The following MSRA variants were observed in gnomAD, a reference collection of about 807,000 sequenced individuals.
The protein encoded by MSRA is mitochondrial peptide methionine sulfoxide reductase.
A neutral mutation model predicts 31.3 loss-of-function variants in MSRA; 54 were observed. The observed-to-expected ratio is 1.73, with a 90% CI of 1.39 to 2.17. The LOEUF (loss-of-function observed/expected upper bound fraction) is 2.17. Among genes scored for constraint, MSRA ranks in the 30% most tolerant of loss-of-function variants. The probability of loss-of-function intolerance (pLI) is 0.00; values close to 1 mark genes in which losing one functional copy is unlikely to be tolerated. For synonymous variants in MSRA, 169 were observed against 116.5 expected (o/e 1.45, Z -2.90); for missense variants, 507 against 300.9 (o/e 1.69, Z -5.07).
At chr8:10,058,908 T>C (rs1802548426) in intron 1 of MSRA, 1 of 152,224 alleles carries the variant, frequency 6.6e-6, no homozygotes, top group Non-Finnish European at 1.5e-5. Flanking sequence ...ACCTTTAAAC[T>C]TCTTAATGTT....
At chr8:10,216,866 G>A (rs937064624) in intron 2 of MSRA, among the ~76,000 whole-genome samples, 1 of 152,188 alleles carries the variant, frequency 6.6e-6, no homozygotes, top group African/African-American at 2.4e-5. Flanking sequence ...CGATGAACCT[G>A]AGTGTACAGA....
chr8:10,141,333 A>T (rs1802687049), intron 1 of MSRA, among the ~76,000 whole-genome samples: 1 of 152,168 alleles, frequency 6.6e-6, no homozygotes, highest in Admixed American at 6.5e-5. Context: ...GACCTAGAAA[A>T]GTTTCCATGA....
intron 5 of MSRA, among the ~76,000 whole-genome samples, chr8:10,365,637 C>T (rs1253291111): frequency 6.6e-6 from 1 of 152,208 alleles, no homozygotes; most frequent in African/African-American, 2.4e-5. Flanking sequence ...TACTTATAGA[C>T]TGAGAACATT....
chr8:10,073,863 C>T (rs1377200967), intron 1 of MSRA, among the ~76,000 whole-genome samples: 1 of 151,902 alleles, frequency 6.6e-6, no homozygotes, highest in Non-Finnish European at 1.5e-5. Context: ...CATTTCACTT[C>T]TTCTTGACCT....
chr8:10,153,239 G>A (rs1196439869), intron 1 of MSRA, among the ~76,000 whole-genome samples: 3 of 152,158 alleles, frequency 2.0e-5, no homozygotes, highest in African/African-American at 7.2e-5. Context: ...AGTTGGCCTG[G>A]CTGGACCGTT....
In MSRA at chr8:10,162,719, C is replaced by G. The variant is rs553993390; in HGVS notation, c.143-45114C>G. ...GGGAAACCTGTAGCTCTGTGCCTTA[C>G]TATACCATCTCATTTAGTGCTTATG... On this transcript the variant is annotated intron_variant, in intron 1 of 5. Transcript: ENST00000317173. 4.6e-5 allele frequency among the ~76,000 whole-genome samples: 7 copies of G among 152,210 alleles called. No homozygotes were observed. The South Asian group carries it at 1.2e-3, about 27-fold the overall frequency.
At chr8:10,132,005 G>C (rs1382009335) in intron 1 of MSRA, among the ~76,000 whole-genome samples, 1 of 152,062 alleles carries the variant, frequency 6.6e-6, no homozygotes, top group Non-Finnish European at 1.5e-5. Flanking sequence ...TTGAGTTTTT[G>C]GTCTCCTAAT....
intron 3 of MSRA, among the ~76,000 whole-genome samples, chr8:10,267,491 T>C (rs750999860): frequency 6.6e-6 from 1 of 152,116 alleles, no homozygotes; most frequent in African/African-American, 2.4e-5. Flanking sequence ...CACCACTGCA[T>C]TGACTGTGGT....
At chr8:10,094,012 G>A (rs373445679) in intron 1 of MSRA, among the ~76,000 whole-genome samples, 1 of 152,128 alleles carries the variant, frequency 6.6e-6, no homozygotes, top group African/African-American at 2.4e-5. Context: ...GTGATGAGTC[G>A]CTTCTCCAAT....
intron 5 of MSRA, among the ~76,000 whole-genome samples, chr8:10,394,068 G>A (rs112243879): frequency 4.1e-4 from 62 of 152,314 alleles, no homozygotes; most frequent in African/African-American, 1.4e-3. Flanking sequence ...TCTAGAGAGC[G>A]ACAGGAACTA....
At chr8:10,090,171 T>G (rs1445301424) in intron 1 of MSRA, among the ~76,000 whole-genome samples, 1 of 152,114 alleles carries the variant, frequency 6.6e-6, no homozygotes, top group Admixed American at 6.5e-5. Context: ...CTGTTAAAAT[T>G]TTGAATTCCC....
chr8:10,306,793 A>G (rs2129128881), intron 4 of MSRA, among the ~76,000 whole-genome samples: 1 of 152,288 alleles, frequency 6.6e-6, no homozygotes, highest in African/African-American at 2.4e-5. Context: ...AGCCACAGGT[A>G]CACCAGGCAG....
intron 5 of MSRA, among the ~76,000 whole-genome samples, chr8:10,380,887 A>T (rs1010691967): frequency 2.1e-5 from 3 of 144,674 alleles, no homozygotes; most frequent in African/African-American, 7.6e-5. Flanking sequence ...GGGTGGGTAG[A>T]TGGATGGATG....
intron 3 of MSRA, among the ~76,000 whole-genome samples, chr8:10,282,072 G>A (rs1799652715): frequency 6.6e-6 from 1 of 152,178 alleles, no homozygotes; most frequent in Non-Finnish European, 1.5e-5. Context: ...GTGTGTGGAT[G>A]GCAGAGATGC....
Position 10,144,265 on chromosome 8 carries a change from A to C in MSRA, c.143-63568A>C, listed in dbSNP as rs550112074. Among the ~76,000 whole-genome samples, 16 of 152,278 alleles carry C rather than the reference A, an allele frequency of 1.1e-4. No homozygotes were observed. In the South Asian group the frequency reaches 3.3e-3, roughly 32 times the overall value. ...CTTTGTTTAGGAGCGAGAACTGTTA[A>C]GCCATGCTTGTTAATAGCCTCTGGA... On this transcript the variant is annotated intron_variant, in intron 1 of 5. Transcript: ENST00000317173.
intron 1 of MSRA, among the ~76,000 whole-genome samples, chr8:10,131,000 G>C (rs1424448581): frequency 6.6e-6 from 1 of 152,156 alleles, no homozygotes; most frequent in East Asian, 1.9e-4. Context: ...AGATGTTAAT[G>C]GTCTGTGGAG....
intron 1 of MSRA, among the ~76,000 whole-genome samples, chr8:10,185,542 G>A (rs888188923): frequency 6.6e-6 from 1 of 152,156 alleles, no homozygotes; most frequent in Non-Finnish European, 1.5e-5. Flanking sequence ...CTGGTGGGCC[G>A]AGGAATGCTC....
Position 10,319,946 on chromosome 8 carries a change from A to G in MSRA, c.500A>G (p.Lys167Arg), listed in dbSNP as rs773895324. 3 of 1,602,370 alleles carry G rather than the reference A, an allele frequency of 1.9e-6. No individual in the cohort carries two copies. In the South Asian group the frequency reaches 3.4e-5, roughly 18 times the overall value. Reference sequence around the variant, plus strand: ...TCGGCCATCTACCCGACCTCTGCCAAGCAAATGGAGGCAGCCCTGAGCTCC... The same window carrying G: ...TCGGCCATCTACCCGACCTCTGCCAGGCAAATGGAGGCAGCCCTGAGCTCC... ...YRSAIYPTSA[K>R]QMEAALSSKE... Residue 167 changes from lysine (K) to arginine (R), a missense_variant, in exon 5 of 6, where the codon AAG (lysine) becomes AGG (arginine). By Grantham distance (26) the Lys-to-Arg change is conservative. Coordinates refer to ENST00000317173, the MANE Select transcript of MSRA (RefSeq NM_012331.5).
chr8:10,286,235 G>A (rs534246011), intron 3 of MSRA, among the ~76,000 whole-genome samples: 37 of 152,198 alleles, frequency 2.4e-4, no homozygotes, highest in Admixed American at 1.2e-3. Flanking sequence ...ACATTGATAT[G>A]GTTTGACTGT....
Sources: allele counts gnomAD v4.1 joint callset (sites outside exome capture counted in the v4.1 genomes callset), GRCh38; gene constraint gnomAD v4.1.1; transcripts MANE v1.5; gene names NCBI Gene and HGNC (gene_info 2026-07-23, HGNC 2026-07-21).